The following ZNF793 variants were observed in gnomAD, a reference collection of about 807,000 sequenced individuals.
ZNF793 encodes zinc finger protein 793.
Under a neutral mutation model 12.4 loss-of-function variants are expected in ZNF793, and 5 were observed. The ratio of observed to expected loss-of-function variants is 0.40; its 90% CI spans 0.21 to 0.84. The LOEUF is 0.84. Among genes scored for constraint, ZNF793 ranks in the 40% least tolerant of loss-of-function variants. ZNF793 has a pLI of 0.35. For missense variants in ZNF793, 456 were observed against 495.0 expected, an observed-to-expected ratio of 0.92 and a Z score of 0.75; for synonymous variants, 162 against 172.4, an observed-to-expected ratio of 0.94 and a Z score of 0.47.
Position 37,543,094 on chromosome 19 carries a change from TAATG to T in ZNF793, c.*5216_*5219del, listed in dbSNP as rs1306448266. The stretch of plus-strand genomic sequence containing the variant: ...ATTGTAAAAAGGGAAAATTTCATAA[TAATG>T]TATACGATTCTATTTTTAAAAAAAG... On this transcript the variant is annotated 3_prime_UTR_variant, in exon 8 of 8. Transcript: ENST00000627814. 1 of 152,190 alleles carries T rather than the reference TAATG, an allele frequency of 6.6e-6. No individual in the cohort carries two copies. Among genetic ancestry groups the T allele is most frequent in the African/African-American group, 2.4e-5 (1 of 41,456 alleles). 9.4% of individuals were successfully genotyped at this position (152,190 alleles called of 1,614,324 possible). A position where few individuals can be genotyped will look rare whatever the true frequency, so the allele number is the denominator to read the frequency against.
At position 37,541,228 on chromosome 19, in the gene ZNF793, GATT is replaced by G. The variant is rs1268714312; in HGVS notation, c.*3351_*3353del. The G allele has an allele frequency of 2.6e-5, 4 of 152,108 alleles. No individual in the cohort carries two copies. Among genetic ancestry groups the G allele is most frequent in the Non-Finnish European group, 5.9e-5 (4 of 68,020 alleles). 9.4% of individuals were successfully genotyped at this position (152,108 alleles called of 1,614,324 possible). On this transcript the variant is annotated 3_prime_UTR_variant, in exon 8 of 8. Coordinates refer to ENST00000627814, the MANE Select transcript of ZNF793 (RefSeq NM_001013659.3). ...TTTAATCTTAAAGGAAGAAAATTTG[GATT>G]AACAGCACAAAAATAAATTCTGGGT...
At chr19:37,517,828 T>G (rs1324457420) in intron 2 of ZNF793, among the ~76,000 whole-genome samples, 3 of 152,200 alleles carry the variant, frequency 2.0e-5, no homozygotes, top group Non-Finnish European at 4.4e-5. Flanking sequence ...CTGTGTGTGC[T>G]TGTTTTGATT....
intron 6 of ZNF793, 29 bp downstream of exon 6, chr19:37,532,511 A>T (rs764618504): frequency 1.3e-6 from 2 of 1,540,732 alleles, no homozygotes; most frequent in Admixed American, 2.1e-5. Flanking sequence ...TACAATGCAG[A>T]TTATGTTCGA....
At chr19:37,516,994 A>G (rs1457989222) in intron 2 of ZNF793, among the ~76,000 whole-genome samples, 1 of 152,192 alleles carries the variant, frequency 6.6e-6, no homozygotes, top group East Asian at 1.9e-4. Context: ...TTCATCTTCA[A>G]GTGGATTCTC....
In ZNF793 at chr19:37,538,067, A is replaced by T. The variant is rs867306699; in HGVS notation, c.*188A>T. 90 of 596,980 alleles carry T rather than the reference A, an allele frequency of 1.5e-4. No homozygotes were observed. The highest frequency in any genetic ancestry group is 9.5e-4 in the Middle Eastern group (2 of 2,110). The allele number at this position is 596,980 out of a possible 1,614,324, so 37.0% of individuals were successfully genotyped here. A position where few individuals can be genotyped will look rare whatever the true frequency, so the allele number is the denominator to read the frequency against. ...GCTGGGACTACAGGTGCCCACCACC[A>T]TGCCCGGCTAATTTTTTTTTTGTAT... On this transcript the variant is annotated 3_prime_UTR_variant, in exon 8 of 8. Transcript: ENST00000627814.
chr19:37,514,263 C>T (rs562413850), intron 2 of ZNF793, among the ~76,000 whole-genome samples: 1 of 152,208 alleles, frequency 6.6e-6, no homozygotes, highest in East Asian at 1.9e-4. Context: ...AGTTCCTGTC[C>T]ACCATCTCAA....
intron 3 of ZNF793, among the ~76,000 whole-genome samples, chr19:37,521,730 A>C (rs931775879): frequency 2.0e-5 from 3 of 152,042 alleles, no homozygotes; most frequent in African/African-American, 4.8e-5. Flanking sequence ...GGCGTGAGCC[A>C]CCGCACCCAG....
rs1413132571 is a variant in ZNF793, at chr19:37,538,674, T to C, written c.*795T>C. ...ACAAACTTTTCTAGAAAATACTTTC[T>C]CAAACATAAGCATGGACACCCTGGC... On this transcript the variant is annotated 3_prime_UTR_variant, in exon 8 of 8. Coordinates refer to ENST00000627814, the MANE Select transcript of ZNF793 (RefSeq NM_001013659.3). 1.3e-5 allele frequency: 2 copies of C among 152,184 alleles called. No homozygotes were observed. The highest frequency in any genetic ancestry group is 2.9e-5 in the Non-Finnish European group (2 of 68,040). 9.4% of individuals were successfully genotyped at this position (152,184 alleles called of 1,614,324 possible). A position where few individuals can be genotyped will look rare whatever the true frequency, so the allele number is the denominator to read the frequency against.
At position 37,522,628 on chromosome 19, in the gene ZNF793, G is replaced by A. The variant is rs1488235353; in HGVS notation, c.-50G>A. On this transcript the variant is annotated 5_prime_UTR_variant, in exon 4 of 8. Transcript: ENST00000627814. ...CTCAGTGTTCATCTTCCATGAAGTCGACATTTTTGAAGAGTATAGGTAGGT... is the reference window on the plus strand; with the variant it reads ...CTCAGTGTTCATCTTCCATGAAGTCAACATTTTTGAAGAGTATAGGTAGGT... 3.9e-5 allele frequency: 6 copies of A among 152,036 alleles called. No individual in the cohort carries two copies. The highest frequency in any genetic ancestry group is 7.4e-5 in the Non-Finnish European group (5 of 68,026). 9.4% of individuals were successfully genotyped at this position (152,036 alleles called of 1,614,324 possible).
At chr19:37,515,111 C>T (rs2042320843) in intron 2 of ZNF793, among the ~76,000 whole-genome samples, 1 of 152,092 alleles carries the variant, frequency 6.6e-6, no homozygotes, top group Non-Finnish European at 1.5e-5. Flanking sequence ...GAGTGCCTGC[C>T]AGTGCAGTTA....
chr19:37,508,732 CAAAAT>C (rs529879239), intron 2 of ZNF793, among the ~76,000 whole-genome samples: 112 of 151,850 alleles, frequency 7.4e-4, no homozygotes, highest in African/African-American at 1.3e-3. Context: ...TATAAATAAA[CAAAAT>C]AAAATAAAAT....
intron 3 of ZNF793, among the ~76,000 whole-genome samples, chr19:37,520,557 G>C (rs2042367290): frequency 6.6e-6 from 1 of 152,188 alleles, no homozygotes; most frequent in African/African-American, 2.4e-5. Flanking sequence ...AATGAAGGGA[G>C]GATGGTTGGC....
chr19:37,533,370 G>A lies in ZNF793; in HGVS notation c.205G>A (p.Gly69Ser), dbSNP rs750448238. 1.2e-6 allele frequency: 2 copies of A among 1,614,008 alleles called. No individual in the cohort carries two copies. The highest frequency in any genetic ancestry group is 1.7e-6 in the Non-Finnish European group (2 of 1,179,896). ...GGAGCAGGAAGAAGCACCATGGATT[G>A]GTGAGGCAGCATGCCCGGGCTGCCA... ...RLEQEEAPWI[G>S]EAACPGCHCW... The change falls in exon 7 of 8, where the codon GGT (glycine) becomes AGT (serine). Residue 69 changes from glycine (G) to serine (S), a missense_variant. Physicochemically the swap from Gly to Ser is moderately conservative, Grantham distance 56. Transcript: ENST00000627814.
intron 5 of ZNF793, among the ~76,000 whole-genome samples, chr19:37,526,505 T>C (rs1210782060): frequency 1.3e-5 from 2 of 152,222 alleles, no homozygotes; most frequent in Admixed American, 6.5e-5. Context: ...CTGGGAAATA[T>C]TGACCCAGAG....
chr19:37,540,315 A>G lies in ZNF793; in HGVS notation c.*2436A>G, dbSNP rs1460876546. Reference sequence around the variant, plus strand: ...CTTCAGACCAGTCTTACTCATGAATATAGAAACAAAAATTATAGTTAAAAT... The same window carrying G: ...CTTCAGACCAGTCTTACTCATGAATGTAGAAACAAAAATTATAGTTAAAAT... On this transcript the variant is annotated 3_prime_UTR_variant, in exon 8 of 8. Transcript: ENST00000627814. 1 of 151,456 alleles carries G rather than the reference A, an allele frequency of 6.6e-6. No individual in the cohort carries two copies. Among genetic ancestry groups the G allele is most frequent in the Non-Finnish European group, 1.5e-5 (1 of 67,840 alleles). The allele number at this position is 151,456 out of a possible 1,614,324, so 9.4% of individuals were successfully genotyped here.
intron 5 of ZNF793, among the ~76,000 whole-genome samples, chr19:37,529,953 G>C (rs1292435855): frequency 6.6e-6 from 1 of 152,002 alleles, no homozygotes; most frequent in African/African-American, 2.4e-5. Context: ...GATCCCGCCA[G>C]CCTCTGAGTT....
At chr19:37,517,743 C>T (rs370875854) in intron 2 of ZNF793, among the ~76,000 whole-genome samples, 3 of 151,882 alleles carry the variant, frequency 2.0e-5, no homozygotes, top group East Asian at 1.9e-4. Context: ...GATCAGGGCT[C>T]AATAACTACA....
At position 37,533,322 on chromosome 19, in the gene ZNF793, A is replaced by C; in HGVS notation, c.157A>C (p.Lys53Gln). 1 of 1,614,006 alleles carries C rather than the reference A, an allele frequency of 6.2e-7. No homozygotes were observed. Among genetic ancestry groups the C allele is most frequent in the South Asian group, 1.1e-5 (1 of 91,086 alleles). ...CCCCGGAACAGGTTATGAAGGCACC[A>C]AACCAGATGTGATCCTCAGACTGGA... ...NLVSVGYEGTKPDVILRLEQE... is the reference protein window; with the variant it reads ...NLVSVGYEGTQPDVILRLEQE... The change falls in exon 7 of 8, where the codon AAA becomes CAA. Residue 53 changes from lysine (K) to glutamine (Q), a missense_variant. By Grantham distance (53) the Lys-to-Gln change is moderately conservative (BLOSUM62 1). Transcript: ENST00000627814.
chr19:37,510,702 CTT>C (rs879328259), intron 2 of ZNF793, among the ~76,000 whole-genome samples: 6 of 139,434 alleles, frequency 4.3e-5, no homozygotes, highest in African/African-American at 5.2e-5. Flanking sequence ...AAATTCTTTT[CTT>C]TTTTTTTTTT....
Sources: allele counts gnomAD v4.1 joint callset (sites outside exome capture counted in the v4.1 genomes callset), GRCh38; gene constraint gnomAD v4.1.1; transcripts MANE v1.5; gene names NCBI Gene and HGNC (gene_info 2026-07-23, HGNC 2026-07-21).